FGF13: variants seen among roughly 807,000 people sequenced by gnomAD.
The protein encoded by FGF13 is fibroblast growth factor homologous factor 2.
FGF13 carries 2 observed loss-of-function variants against 19.5 expected under a neutral mutation model. The ratio of observed to expected loss-of-function variants is 0.10; its 90% CI spans 0.04 to 0.32. The LOEUF is 0.32. Ranked by LOEUF, FGF13 falls within the 10% of genes least tolerant of loss-of-function variation. FGF13 has a pLI of 1.00. For missense variants in FGF13, 113 were observed against 192.7 expected (o/e 0.59, Z 2.45); for synonymous variants, 72 against 76.9 (o/e 0.94, Z 0.33).
chrX:139,069,320 G>A (rs1345764766), intron 1 of FGF13, among the ~76,000 whole-genome samples: 2 of 63,853 alleles, frequency 3.1e-5, no homozygotes, highest in Non-Finnish European at 5.8e-5. Flanking sequence ...GTAGGGACAT[G>A]GATGAAATTG....
chrX:138,709,677 A>T (rs1431423810), intron 1 of FGF13, among the ~76,000 whole-genome samples: 1 of 112,372 alleles, frequency 8.9e-6, no homozygotes, highest in Non-Finnish European at 1.9e-5. Context: ...AATTATGAAT[A>T]ACCATAGATC....
chrX:138,855,307 T>C (rs1264937382), downstream of FGF13, among the ~76,000 whole-genome samples: 1 of 112,057 alleles, frequency 8.9e-6, no homozygotes, highest in Non-Finnish European at 1.9e-5. Context: ...TTCTGGATCC[T>C]GTTAACTTGT....
At chrX:138,885,731 G>A (rs938036584) in intron 1 of FGF13, among the ~76,000 whole-genome samples, 1 of 107,853 alleles carries the variant, frequency 9.3e-6, no homozygotes, top group Non-Finnish European at 1.9e-5. Context: ...ACCCATTACG[G>A]CCCCTCTTGA....
chrX:138,878,956 A>C (rs1314963680), intron 1 of FGF13, among the ~76,000 whole-genome samples: 2 of 111,525 alleles, frequency 1.8e-5, no homozygotes, highest in Admixed American at 1.9e-4. Context: ...TCTTCTTTTG[A>C]GAAGTGTCTG....
At chrX:138,885,703 C>A (rs540070946) in intron 1 of FGF13, among the ~76,000 whole-genome samples, 8 of 107,780 alleles carry the variant, frequency 7.4e-5, no homozygotes, top group African/African-American at 1.0e-4. Flanking sequence ...TTCTCTAACC[C>A]CCCCCGCCAA....
chrX:139,083,406 C>T lies in FGF13; in HGVS notation c.-113+120010G>A, dbSNP rs764071989. 3.6e-5 allele frequency among the ~76,000 whole-genome samples: 4 copies of T among 111,966 alleles called. No homozygotes were observed. In the East Asian group the frequency reaches 1.1e-3, roughly 32 times the overall value. ...ACTAAAGAGTGCCGATGAGTGAGGC[C>T]TTTCCAACAGAGAAGTGCCAGCCAG... On this transcript the variant is annotated intron_variant, in intron 1 of 2. Coordinates refer to the FGF13 transcript ENST00000421460.
chrX:139,110,138 A>G (rs1164599199), intron 1 of FGF13, among the ~76,000 whole-genome samples: 4 of 110,778 alleles, frequency 3.6e-5, no homozygotes, highest in African/African-American at 1.3e-4. Flanking sequence ...TTATGTAAAT[A>G]TATTTATATT....
intron 2 of FGF13, among the ~76,000 whole-genome samples, chrX:138,703,544 A>C (rs2089967232): frequency 8.9e-6 from 1 of 111,995 alleles, no homozygotes; most frequent in Non-Finnish European, 1.9e-5. Context: ...TGAAATTCTC[A>C]CAGTCATATT....
intron 1 of FGF13, among the ~76,000 whole-genome samples, chrX:139,046,414 A>T (rs2092287461): frequency 9.0e-6 from 1 of 111,249 alleles, no homozygotes; most frequent in Admixed American, 9.6e-5. Flanking sequence ...TATCCAAACT[A>T]TATCACCTTG....
At chrX:139,056,484 T>C (rs2092320918) in intron 1 of FGF13, among the ~76,000 whole-genome samples, 1 of 112,427 alleles carries the variant, frequency 8.9e-6, no homozygotes, top group African/African-American at 3.2e-5. Flanking sequence ...TCCATGAAAT[T>C]ACCAAGCATT....
chrX:138,651,446 T>C (rs2124130490), intron 3 of FGF13, among the ~76,000 whole-genome samples: 1 of 112,295 alleles, frequency 8.9e-6, no homozygotes, highest in East Asian at 2.8e-4. Context: ...TTCTCAATAT[T>C]TAGCCACAGT....
At chrX:139,027,858 T>A (rs1397685767) in intron 1 of FGF13, among the ~76,000 whole-genome samples, 1 of 112,114 alleles carries the variant, frequency 8.9e-6, no homozygotes, top group East Asian at 2.8e-4. Flanking sequence ...AAGATATGCC[T>A]GTTCTCTCAA....
At chrX:138,634,490 T>C (rs887515232) in intron 4 of FGF13, among the ~76,000 whole-genome samples, 2 of 113,217 alleles carry the variant, frequency 1.8e-5, no homozygotes, top group African/African-American at 3.2e-5. Context: ...AAGTAAAGTG[T>C]CACTATATGT....
chrX:139,018,857 A>G (rs1031612998), intron 1 of FGF13, among the ~76,000 whole-genome samples: 1 of 110,800 alleles, frequency 9.0e-6, no homozygotes, highest in Non-Finnish European at 1.9e-5. Context: ...AAAGCTAACA[A>G]TTAAATGGTT....
At chrX:138,723,566 C>T (rs1331110800) in intron 1 of FGF13, among the ~76,000 whole-genome samples, 1 of 111,131 alleles carries the variant, frequency 9.0e-6, no homozygotes, top group Admixed American at 9.6e-5. Flanking sequence ...GTTGGCGATG[C>T]GTGGAATTCA....
chrX:138,677,293 A>G (rs998593192), intron 3 of FGF13, among the ~76,000 whole-genome samples: 2 of 110,686 alleles, frequency 1.8e-5, no homozygotes, highest in Non-Finnish European at 3.8e-5. Context: ...TAAAACACCA[A>G]AAGCAATGGC....
chrX:139,157,327 A>G (rs2083984206), intron 1 of FGF13, among the ~76,000 whole-genome samples: 1 of 111,523 alleles, frequency 9.0e-6, no homozygotes, highest in Non-Finnish European at 1.9e-5. Context: ...TTCCACTTCT[A>G]TCTTGTTTAA....
At chrX:139,157,886 T>A (rs2083991316) in intron 1 of FGF13, among the ~76,000 whole-genome samples, 1 of 112,241 alleles carries the variant, frequency 8.9e-6, no homozygotes, top group Non-Finnish European at 1.9e-5. Context: ...ATGTGATTTA[T>A]GCATTTCCAA....
chrX:139,168,984 T>C (rs2084108369), intron 1 of FGF13, among the ~76,000 whole-genome samples: 3 of 111,940 alleles, frequency 2.7e-5, no homozygotes, highest in African/African-American at 6.5e-5. Context: ...TGATTACAAA[T>C]AAAGAATATT....
Sources: gnomAD v4.1 joint callset for allele counts (sites outside exome capture counted in the v4.1 genomes callset) on GRCh38, gnomAD v4.1.1 for gene constraint, MANE v1.5 for transcripts, NCBI Gene and HGNC (gene_info 2026-07-23, HGNC 2026-07-21) for gene names.